ENOX1: variants seen among roughly 807,000 people sequenced by gnomAD.
The protein encoded by ENOX1 is candidate growth-related and time keeping constitutive hydroquinone (NADH) oxidase.
Under a neutral mutation model 82.5 loss-of-function variants are expected in ENOX1, and 42 were observed. That is an observed-to-expected ratio of 0.51 (90% CI 0.40 to 0.66). The LOEUF is 0.66. ENOX1 is among the 30% of genes least tolerant of loss of function. The pLI, the probability that ENOX1 is intolerant of heterozygous loss-of-function variation, is 0.00. For synonymous variants in ENOX1, 271 were observed against 282.2 expected (o/e 0.96, Z 0.40); for missense variants, 608 against 811.6 (o/e 0.75, Z 3.05).
At chr13:43,746,798 C>A (rs762144239) in intron 1 of ENOX1, among the ~76,000 whole-genome samples, 3 of 152,104 alleles carry the variant, frequency 2.0e-5, no homozygotes, top group Non-Finnish European at 2.9e-5. Flanking sequence ...TAACATATGG[C>A]CGATTTACCA....
chr13:43,471,826 A>AG (rs1236541201), intron 3 of ENOX1, among the ~76,000 whole-genome samples: 5 of 151,522 alleles, frequency 3.3e-5, no homozygotes, highest in African/African-American at 7.3e-5. Flanking sequence ...AAAAAAAAAA[A>AG]AAAGAAAGAA....
rs565078368 is a variant in ENOX1 at position 43,786,257 on chromosome 13, G to C, written c.-285+395C>G. Among the ~76,000 whole-genome samples the C allele has an allele frequency of 6.6e-6, 1 of 152,214 alleles. No homozygotes were observed. The highest frequency in any genetic ancestry group is 1.9e-4 in the East Asian group (1 of 5,134). The stretch of plus-strand genomic sequence containing the variant: ...TGTGTGGGCAGGAACGGGTCCCGGG[G>C]GCGACGCCCGCAGGGGGAGACGGGT... On this transcript the variant is annotated intron_variant, in intron 1 of 16. Transcript: ENST00000690772. The surrounding 1 kb of genome is among the most constrained non-coding windows in gnomAD (Gnocchi z 6.0).
intron 5 of ENOX1, among the ~76,000 whole-genome samples, chr13:43,401,591 C>A (rs2053499530): frequency 6.6e-6 from 1 of 152,066 alleles, no homozygotes; most frequent in East Asian, 1.9e-4. Flanking sequence ...CTTCAGAGGT[C>A]CCCTCAGAGT....
intron 2 of ENOX1, among the ~76,000 whole-genome samples, chr13:43,600,743 G>A (rs1411933294): frequency 6.6e-6 from 1 of 152,184 alleles, no homozygotes; most frequent in Non-Finnish European, 1.5e-5. Flanking sequence ...GCTGGCTTCA[G>A]GTCTCACACA....
intron 2 of ENOX1, among the ~76,000 whole-genome samples, chr13:43,501,658 G>A (rs2076984721): frequency 6.6e-6 from 1 of 150,840 alleles, no homozygotes; most frequent in African/African-American, 2.4e-5. Flanking sequence ...ACAACTATTG[G>A]CTCACAAAAA....
rs1017323083 is a variant in ENOX1 at position 43,352,485 on chromosome 13, G to T, written c.823+3434C>A. ...GTGGATGGTCTGTGTTAGACACACT[G>T]AAATTCATTATCTCATCTGCCTGGT... On this transcript the variant is annotated intron_variant, in intron 8 of 16. Transcript: ENST00000690772. Among the ~76,000 whole-genome samples, 5 of 152,182 alleles carry T rather than the reference G, an allele frequency of 3.3e-5. No individual in the cohort carries two copies. In the East Asian group the frequency reaches 9.6e-4, roughly 29 times the overall value.
intron 3 of ENOX1, among the ~76,000 whole-genome samples, chr13:43,468,480 C>T (rs1205465369): frequency 2.0e-5 from 3 of 151,854 alleles, no homozygotes; most frequent in Non-Finnish European, 2.9e-5. Flanking sequence ...CATGGCTGCC[C>T]TATAAATTTC....
chr13:43,523,612 A>C (rs2077865566), intron 2 of ENOX1, among the ~76,000 whole-genome samples: 1 of 152,148 alleles, frequency 6.6e-6, no homozygotes, highest in African/African-American at 2.4e-5. Context: ...TCTTTTAAGA[A>C]AGCAATGTCT....
At chr13:43,411,564 A>C (rs1332873379) in intron 5 of ENOX1, among the ~76,000 whole-genome samples, 1 of 152,228 alleles carries the variant, frequency 6.6e-6, no homozygotes, top group Non-Finnish European at 1.5e-5. Flanking sequence ...AGAAATATCT[A>C]CCTATCATAA....
At chr13:43,569,990 C>G (rs569611986) in intron 2 of ENOX1, among the ~76,000 whole-genome samples, 1 of 152,206 alleles carries the variant, frequency 6.6e-6, no homozygotes, top group Non-Finnish European at 1.5e-5. Flanking sequence ...AAATTAGTAT[C>G]TGTGAACTGG....
intron 1 of ENOX1, among the ~76,000 whole-genome samples, chr13:43,757,087 C>A (rs1430997216): frequency 6.6e-6 from 1 of 151,178 alleles, no homozygotes. Context: ...GAATATTTTT[C>A]CCCTAAAACA....
At chr13:43,544,344 T>G (rs1007004608) in intron 2 of ENOX1, 1 of 152,206 alleles carries the variant, frequency 6.6e-6, no homozygotes, top group Admixed American at 6.5e-5. Flanking sequence ...GTGGAGATGA[T>G]TCATGTTAAG....
chr13:43,766,062 C>T (rs1951244055), intron 1 of ENOX1, among the ~76,000 whole-genome samples: 1 of 152,170 alleles, frequency 6.6e-6, no homozygotes, highest in Non-Finnish European at 1.5e-5. Context: ...GCTTCTCCTT[C>T]CATTGATTAG....
At chr13:43,286,112 G>A (rs1002058704) in intron 12 of ENOX1, among the ~76,000 whole-genome samples, 70 of 152,168 alleles carry the variant, frequency 4.6e-4, no homozygotes, top group African/African-American at 1.7e-3. Context: ...TGCTGGCAGG[G>A]TTCAGGGCTT....
At chr13:43,517,839 C>T (rs951390925) in intron 2 of ENOX1, among the ~76,000 whole-genome samples, 4 of 152,130 alleles carry the variant, frequency 2.6e-5, no homozygotes, top group Non-Finnish European at 5.9e-5. Context: ...ACCCTCATTC[C>T]TTCCACCATG....
At chr13:43,341,905 G>A (rs2049087942) in intron 9 of ENOX1, among the ~76,000 whole-genome samples, 1 of 152,194 alleles carries the variant, frequency 6.6e-6, no homozygotes, top group African/African-American at 2.4e-5. Flanking sequence ...GTTGGCTGGG[G>A]ATGGATTTTT....
At chr13:43,564,949 CT>C (rs1289765219) in intron 2 of ENOX1, among the ~76,000 whole-genome samples, 1 of 152,048 alleles carries the variant, frequency 6.6e-6, no homozygotes, top group Non-Finnish European at 1.5e-5. Flanking sequence ...GTCCATCACT[CT>C]CTTAAAAAAG....
chr13:43,447,703 G>A (rs1050313833), intron 3 of ENOX1, among the ~76,000 whole-genome samples: 11 of 152,120 alleles, frequency 7.2e-5, no homozygotes, highest in African/African-American at 2.7e-4. Flanking sequence ...CCCTTCTAAT[G>A]GAGACCTTCA....
At chr13:43,368,375 C>T (rs554514630) in intron 5 of ENOX1, among the ~76,000 whole-genome samples, 4 of 152,202 alleles carry the variant, frequency 2.6e-5, no homozygotes, top group South Asian at 2.1e-4. Context: ...TGACATGACA[C>T]GAAGCAAAGA....
Sources: gnomAD v4.1 joint callset for allele counts (sites outside exome capture counted in the v4.1 genomes callset) on GRCh38, gnomAD v4.1.1 for gene constraint, Gnocchi (gnomAD v3.1) non-coding constraint, MANE v1.5 for transcripts, NCBI Gene and HGNC (gene_info 2026-07-23, HGNC 2026-07-21) for gene names.